Variants in KCTD16 observed in about 807,000 individuals in gnomAD.
The protein encoded by KCTD16 is potassium channel tetramerization domain containing 16, also known as BTB/POZ domain-containing protein KCTD16.
A neutral mutation model predicts 33.2 loss-of-function variants in KCTD16; 13 were observed. The ratio of observed to expected loss-of-function variants is 0.39; its 90% CI spans 0.25 to 0.62. The LOEUF (loss-of-function observed/expected upper bound fraction) is 0.62, where lower values mean the gene tolerates loss of function less well. KCTD16 is among the 20% of genes least tolerant of loss of function. The probability of loss-of-function intolerance (pLI) is 0.50; values close to 1 mark genes in which losing one functional copy is unlikely to be tolerated. For synonymous variants in KCTD16, 197 were observed against 195.3 expected (o/e 1.01, Z -0.07); for missense variants, 441 against 525.1 (o/e 0.84, Z 1.57).
chr5:144,463,622 G>C (rs765225760), intron 3 of KCTD16, among the ~76,000 whole-genome samples: 1 of 152,114 alleles, frequency 6.6e-6, no homozygotes, highest in African/African-American at 2.4e-5. Flanking sequence ...TTTAGTGCCT[G>C]CTTCTCTGTG....
intron 3 of KCTD16, among the ~76,000 whole-genome samples, chr5:144,219,327 C>A (rs1288149274): frequency 6.6e-6 from 1 of 151,992 alleles, no homozygotes; most frequent in Non-Finnish European, 1.5e-5. Flanking sequence ...GATTCTCCTG[C>A]CTCAGCCTCC....
At chr5:144,345,232 A>C (rs1017984421) in intron 3 of KCTD16, among the ~76,000 whole-genome samples, 1 of 150,566 alleles carries the variant, frequency 6.6e-6, no homozygotes, top group Non-Finnish European at 1.5e-5. Context: ...GAGGGATAGC[A>C]TTAGGAGATA....
intron 3 of KCTD16, among the ~76,000 whole-genome samples, chr5:144,403,416 CAT>C (rs1752746786): frequency 6.6e-6 from 1 of 152,028 alleles, no homozygotes; most frequent in Non-Finnish European, 1.5e-5. Flanking sequence ...TGTGAAGACA[CAT>C]AGACAGAAGC....
At chr5:144,317,166 A>T (rs1239113616) in intron 3 of KCTD16, among the ~76,000 whole-genome samples, 1 of 151,996 alleles carries the variant, frequency 6.6e-6, no homozygotes, top group Non-Finnish European at 1.5e-5. Context: ...TACCTGATTA[A>T]TTTCAGTTTG....
intron 3 of KCTD16, among the ~76,000 whole-genome samples, chr5:144,452,459 T>TGA (rs970466092): frequency 6.6e-6 from 1 of 151,192 alleles, no homozygotes; most frequent in Non-Finnish European, 1.5e-5. Flanking sequence ...ATTTTTAATA[T>TGA]GAGAGAGAGA....
chr5:144,283,752 C>T (rs1755668520), intron 3 of KCTD16, among the ~76,000 whole-genome samples: 1 of 152,116 alleles, frequency 6.6e-6, no homozygotes, highest in Non-Finnish European at 1.5e-5. Context: ...TTGCTGAATA[C>T]TACTGTTTGG....
chr5:144,347,313 G>T (rs1752828389), intron 3 of KCTD16, among the ~76,000 whole-genome samples: 2 of 152,174 alleles, frequency 1.3e-5, no homozygotes, highest in Admixed American at 1.3e-4. Context: ...ATGCAAAACC[G>T]GCTGGGCACA....
chr5:144,223,598 C>T (rs1753832915), intron 3 of KCTD16, among the ~76,000 whole-genome samples: 1 of 151,672 alleles, frequency 6.6e-6, no homozygotes, highest in Non-Finnish European at 1.5e-5. Context: ...AATCCCTTAT[C>T]CAAGTCCTGT....
At chr5:144,367,649 C>G (rs1751867809) in intron 3 of KCTD16, among the ~76,000 whole-genome samples, 1 of 151,764 alleles carries the variant, frequency 6.6e-6, no homozygotes, top group Admixed American at 6.6e-5. Context: ...GTATCTTTCC[C>G]CCCATACTCT....
chr5:144,340,798 C>T (rs867168830), intron 3 of KCTD16, among the ~76,000 whole-genome samples: 1 of 152,024 alleles, frequency 6.6e-6, no homozygotes, highest in Non-Finnish European at 1.5e-5. Flanking sequence ...GCCTGTAATC[C>T]CAGCCCTTTA....
At chr5:144,322,368 A>C (rs568001671) in intron 3 of KCTD16, among the ~76,000 whole-genome samples, 7 of 152,176 alleles carry the variant, frequency 4.6e-5, no homozygotes, top group Non-Finnish European at 7.3e-5. Context: ...GACATGTGAT[A>C]TAAGTTGATC....
At chr5:144,404,077 C>A (rs937960730) in intron 3 of KCTD16, among the ~76,000 whole-genome samples, 2 of 152,152 alleles carry the variant, frequency 1.3e-5, no homozygotes, top group Non-Finnish European at 2.9e-5. Flanking sequence ...TAACACACAG[C>A]ACTCTCACAC....
chr5:144,283,750 T>C (rs1200025295), intron 3 of KCTD16, among the ~76,000 whole-genome samples: 1 of 152,166 alleles, frequency 6.6e-6, no homozygotes, highest in East Asian at 1.9e-4. Context: ...GTTTGCTGAA[T>C]ACTACTGTTT....
At chr5:144,216,871 G>A (rs990445634) in intron 3 of KCTD16, among the ~76,000 whole-genome samples, 4 of 151,486 alleles carry the variant, frequency 2.6e-5, no homozygotes, top group Admixed American at 6.6e-5. Flanking sequence ...GAAAAAGAGA[G>A]AGAGACTCTC....
rs1754607318 is a variant in KCTD16, at chr5:144,476,914, A to G, written c.*2800A>G. The G allele has an allele frequency of 6.6e-6, 1 of 152,152 alleles. No individual in the cohort carries two copies. The highest frequency in any genetic ancestry group is 2.1e-4 in the South Asian group (1 of 4,828). The allele number at this position is 152,152 out of a possible 1,614,324, so 9.4% of individuals were successfully genotyped here. On this transcript the variant is annotated 3_prime_UTR_variant, in exon 4 of 4. Coordinates refer to ENST00000512467, the MANE Select transcript of KCTD16 (RefSeq NM_020768.4). Reference sequence around the variant, plus strand: ...AATATATATGGTTTACTTCTCGAACATTGGTTATGACAAGGGCCATAAATT... The same window carrying G: ...AATATATATGGTTTACTTCTCGAACGTTGGTTATGACAAGGGCCATAAATT...
At chr5:144,364,219 G>A (rs924625157) in intron 3 of KCTD16, among the ~76,000 whole-genome samples, 1 of 152,140 alleles carries the variant, frequency 6.6e-6, no homozygotes, top group Non-Finnish European at 1.5e-5. Flanking sequence ...GCGAAGGTAC[G>A]GCTCTGGTGG....
intron 3 of KCTD16, among the ~76,000 whole-genome samples, chr5:144,322,846 C>T (rs946977309): frequency 6.6e-6 from 1 of 152,024 alleles, no homozygotes; most frequent in African/African-American, 2.4e-5. Context: ...GGATTTGCAG[C>T]TGGTTTGGGC....
At chr5:144,259,939 G>A (rs1414950060) in intron 3 of KCTD16, among the ~76,000 whole-genome samples, 3 of 152,150 alleles carry the variant, frequency 2.0e-5, no homozygotes, top group Non-Finnish European at 4.4e-5. Context: ...ATGTCATAAT[G>A]TTCAATACTC....
rs888087568 is a variant in KCTD16 at position 144,246,857 on chromosome 5, C to T, written c.832+39311C>T. Among the ~76,000 whole-genome samples, 5 of 152,242 alleles carry T rather than the reference C, an allele frequency of 3.3e-5. No homozygotes were observed. In the Middle Eastern group the frequency reaches 0.01, roughly 311 times the overall value. On this transcript the variant is annotated intron_variant, in intron 3 of 3. Transcript: ENST00000512467. ...CCCACATCATGTTCTTTCTTGCCTC[C>T]TCTAGCCATGGAGAAGATGTATCAG...
Sources: gnomAD v4.1 joint callset for allele counts (sites outside exome capture counted in the v4.1 genomes callset) on GRCh38, gnomAD v4.1.1 for gene constraint, MANE v1.5 for transcripts, NCBI Gene and HGNC (gene_info 2026-07-23, HGNC 2026-07-21) for gene names.